Variants in RAD51B observed in about 807,000 individuals in gnomAD.
RAD51B encodes DNA repair protein RAD51 homolog 2.
In RAD51B, 38 loss-of-function variants were observed where a neutral mutation model predicts 42.2. That is an observed-to-expected ratio of 0.90 (90% CI 0.70 to 1.18). The LOEUF (loss-of-function observed/expected upper bound fraction) is 1.18. RAD51B is among the 50% of genes most tolerant of loss of function. The pLI is 0.00. For missense variants in RAD51B, 373 were observed against 400.7 expected, an observed-to-expected ratio of 0.93 and a Z score of 0.59; for synonymous variants, 154 against 145.2, an observed-to-expected ratio of 1.06 and a Z score of -0.43.
rs377057154 is a variant in RAD51B, at chr14:68,200,722, C to T, written c.757-91162C>T. ...AGGCTGGAGTGCAGTGGTGTGATCACGGCTCACTGTAGCCTCAACCTTGCA... is the reference window on the plus strand; with the variant it reads ...AGGCTGGAGTGCAGTGGTGTGATCATGGCTCACTGTAGCCTCAACCTTGCA... On this transcript the variant is annotated intron_variant, in intron 7 of 10. Transcript: ENST00000471583. Among the ~76,000 whole-genome samples, 11 of 152,206 alleles carry T rather than the reference C, an allele frequency of 7.2e-5. No homozygotes were observed. The East Asian group carries it at 9.7e-4, about 13-fold the overall frequency.
intron 8 of RAD51B, among the ~76,000 whole-genome samples, chr14:68,406,838 GA>G (rs1391980117): frequency 6.6e-6 from 1 of 151,614 alleles, no homozygotes; most frequent in Non-Finnish European, 1.5e-5. Flanking sequence ...CTGTTTTTTA[GA>G]TTTTTTTACC....
chr14:68,625,557 C>T (rs1892058770), intron 10 of RAD51B, among the ~76,000 whole-genome samples: 1 of 152,148 alleles, frequency 6.6e-6, no homozygotes, highest in Non-Finnish European at 1.5e-5. Flanking sequence ...ACTGCAGCCT[C>T]GACCTCCCAG....
intron 8 of RAD51B, among the ~76,000 whole-genome samples, chr14:68,295,431 G>C (rs1156847295): frequency 7.2e-5 from 11 of 152,186 alleles, no homozygotes; most frequent in Admixed American, 3.3e-4. Context: ...GGTCAGCCGA[G>C]ATTAAAGGAG....
intron 7 of RAD51B, among the ~76,000 whole-genome samples, chr14:68,027,447 T>G (rs989319225): frequency 6.6e-6 from 1 of 152,138 alleles, no homozygotes; most frequent in African/African-American, 2.4e-5. Context: ...TTGCTTACTC[T>G]CTTTTTTTCT....
chr14:68,552,499 C>T (rs1888629746), intron 10 of RAD51B, among the ~76,000 whole-genome samples: 1 of 152,180 alleles, frequency 6.6e-6, no homozygotes. Flanking sequence ...CCCCTTGTCT[C>T]ACCAGTGGTG....
At chr14:68,527,530 T>G (rs1480792075) in intron 10 of RAD51B, among the ~76,000 whole-genome samples, 1 of 152,216 alleles carries the variant, frequency 6.6e-6, no homozygotes, top group Non-Finnish European at 1.5e-5. Context: ...AGTAGCACAT[T>G]GTAGGAGAAA....
intron 10 of RAD51B, among the ~76,000 whole-genome samples, chr14:68,488,643 TTTC>T (rs1197159432): frequency 2.0e-4 from 31 of 152,184 alleles, no homozygotes; most frequent in Admixed American, 2.0e-3. Flanking sequence ...AGCCTTGGTG[TTTC>T]TTCTTAGTAA....
intron 11 of RAD51B, chr14:68,682,837 T>A: frequency 1.4e-6 from 1 of 703,150 alleles, no homozygotes; most frequent in Non-Finnish European, 1.7e-6. Flanking sequence ...GGAAATGGAA[T>A]CTCTGAAGGA....
chr14:68,323,032 A>G (rs1820149422), intron 8 of RAD51B, among the ~76,000 whole-genome samples: 1 of 152,232 alleles, frequency 6.6e-6, no homozygotes, highest in South Asian at 2.1e-4. Flanking sequence ...ACACACACAG[A>G]GGGAAAACAT....
At chr14:68,245,256 T>C (rs1314919) in intron 7 of RAD51B, among the ~76,000 whole-genome samples, 30,464 of 152,152 alleles carry the variant, frequency 0.2, 3,526 homozygotes, top group Middle Eastern at 0.37. Flanking sequence ...GAATGCCTAT[T>C]TCCCCCTCAC....
intron 11 of RAD51B, among the ~76,000 whole-genome samples, chr14:68,657,597 C>T (rs960277781): frequency 3.3e-4 from 50 of 152,328 alleles, no homozygotes; most frequent in African/African-American, 1.2e-3. Context: ...TGCCTCGGCC[C>T]CTGCAGAGAT....
intron 7 of RAD51B, among the ~76,000 whole-genome samples, chr14:68,078,899 G>T (rs1044450934): frequency 4.6e-5 from 7 of 152,182 alleles, no homozygotes; most frequent in African/African-American, 1.7e-4. Flanking sequence ...TTGTGGTGGG[G>T]GAATTGCTTG....
intron 7 of RAD51B, among the ~76,000 whole-genome samples, chr14:68,096,850 T>C (rs77058773): frequency 6.6e-6 from 1 of 152,354 alleles, no homozygotes; most frequent in African/African-American, 2.4e-5. Flanking sequence ...TATTTTCTTA[T>C]CTATGTTCCT....
chr14:68,428,699 G>A (rs2084913861), intron 9 of RAD51B, among the ~76,000 whole-genome samples: 1 of 119,426 alleles, frequency 8.4e-6, no homozygotes, highest in African/African-American at 3.5e-5. Context: ...CATATGGCAG[G>A]ATTTTCTTTA....
At chr14:68,199,106 A>C (rs567252424) in intron 7 of RAD51B, among the ~76,000 whole-genome samples, 2 of 152,258 alleles carry the variant, frequency 1.3e-5, no homozygotes, top group South Asian at 2.1e-4. Flanking sequence ...TATTCCTCGC[A>C]TGACATGATT....
chr14:67,938,103 A>T (rs1483281505), intron 7 of RAD51B, among the ~76,000 whole-genome samples: 2 of 152,098 alleles, frequency 1.3e-5, no homozygotes, highest in African/African-American at 4.8e-5. Context: ...TCAGTTTTTA[A>T]ATTTTCATTT....
intron 3 of RAD51B, among the ~76,000 whole-genome samples, chr14:67,830,433 G>C (rs2040996719): frequency 1.3e-5 from 2 of 151,896 alleles, no homozygotes; most frequent in Admixed American, 6.6e-5. Flanking sequence ...ACAGAGTCTC[G>C]CACTGTTGCC....
intron 7 of RAD51B, among the ~76,000 whole-genome samples, chr14:68,019,312 A>G (rs1464677469): frequency 3.3e-5 from 5 of 152,198 alleles, no homozygotes; most frequent in Admixed American, 2.6e-4. Context: ...GGCAAATTCT[A>G]TAGTGAATTC....
In RAD51B at chr14:67,953,989, G is replaced by A. The variant is rs1371862664; in HGVS notation, c.756+66785G>A. On this transcript the variant is annotated intron_variant, in intron 7 of 10. Transcript: ENST00000471583. ...AGTTTGAATAGAAGAAAAGAAGGTG[G>A]CAGAAGTGGTCAAATCAGGGAGAAA... 2.0e-5 allele frequency among the ~76,000 whole-genome samples: 3 copies of A among 152,214 alleles called. No individual in the cohort carries two copies. The East Asian group carries it at 5.8e-4, about 29-fold the overall frequency.
Sources: gnomAD v4.1 joint callset for allele counts (sites outside exome capture counted in the v4.1 genomes callset) on GRCh38, gnomAD v4.1.1 for gene constraint, MANE v1.5 for transcripts, NCBI Gene and HGNC (gene_info 2026-07-23, HGNC 2026-07-21) for gene names.